Variants in MOSPD1 observed in about 807,000 individuals in gnomAD.
The protein encoded by MOSPD1 is motile sperm domain-containing protein 1.
In MOSPD1, 5 loss-of-function variants were observed where a neutral mutation model predicts 16.7. The observed-to-expected ratio is 0.30, with a 90% CI of 0.16 to 0.63. The LOEUF (loss-of-function observed/expected upper bound fraction) is 0.63. MOSPD1 is among the 30% of genes least tolerant of loss of function. The probability of loss-of-function intolerance (pLI) is 0.82; values close to 1 mark genes in which losing one functional copy is unlikely to be tolerated. For synonymous variants in MOSPD1, 67 were observed against 59.2 expected, an observed-to-expected ratio of 1.13 and a Z score of -0.61; for missense variants, 104 against 153.6, an observed-to-expected ratio of 0.68 and a Z score of 1.71.
At chrX:134,911,380 C>A (rs1209500298) in intron 1 of MOSPD1, among the ~76,000 whole-genome samples, 1 of 112,259 alleles carries the variant, frequency 8.9e-6, no homozygotes, top group South Asian at 3.7e-4. Context: ...ACATGTGACC[C>A]AATTCAACCA....
chrX:134,902,298 T>C lies in MOSPD1; in HGVS notation c.-101-2764A>G, dbSNP rs780571124. On this transcript the variant is annotated intron_variant, in intron 1 of 5. Coordinates refer to ENST00000370783, the MANE Select transcript of MOSPD1 (RefSeq NM_019556.3). ...GGTGGGCGCCTGTAGTCCCAGCTAC[T>C]CGGGAGGCTAAGGCAGGAGAATTGC... Among the ~76,000 whole-genome samples the C allele has an allele frequency of 2.1e-4, 23 of 109,554 alleles. 1 individual carries two copies. In the East Asian group the frequency reaches 6.0e-3, roughly 28 times the overall value.
Position 134,899,072 on chromosome X carries a change from G to A in MOSPD1, c.230+18C>T, listed in dbSNP as rs768238371. On this transcript the variant is annotated intron_variant, in intron 3 of 5. Coordinates refer to ENST00000370783, the MANE Select transcript of MOSPD1 (RefSeq NM_019556.3). ...TAACACACTTAAAACGTGTTACCAG[G>A]AATTGATCTTGACTTACATATCCAC... is the stretch of plus-strand genomic sequence containing the variant. 8.8e-7 allele frequency: 1 copy of A among 1,130,929 alleles called. No homozygotes were observed. The highest frequency in any genetic ancestry group is 3.0e-5 in the East Asian group (1 of 33,356). The allele number at this position is 1,130,929 out of a possible 1,213,427, so 93.2% of individuals were successfully genotyped here. A position where few individuals can be genotyped will look rare whatever the true frequency, so the allele number is the denominator to read the frequency against.
chrX:134,895,053 G>T (rs113698033), intron 4 of MOSPD1, among the ~76,000 whole-genome samples: 1 of 64,053 alleles, frequency 1.6e-5, no homozygotes, highest in African/African-American at 4.8e-5. Context: ...AGATACCAAG[G>T]TTTGTTAGAA....
intron 1 of MOSPD1, chrX:134,899,823 T>C (rs2082903630): frequency 8.7e-6 from 1 of 115,253 alleles, no homozygotes; most frequent in African/African-American, 3.3e-5. Flanking sequence ...CTGGGTGTGG[T>C]GACATGCCTG....
intron 1 of MOSPD1, among the ~76,000 whole-genome samples, chrX:134,908,064 C>T (rs1278415608): frequency 8.9e-6 from 1 of 112,891 alleles, no homozygotes; most frequent in Non-Finnish European, 1.9e-5. Context: ...TGAGCCACTG[C>T]ACCCAGCCAG....
chrX:134,898,706 C>CTG (rs958650599), intron 3 of MOSPD1, among the ~76,000 whole-genome samples: 1 of 111,832 alleles, frequency 8.9e-6, no homozygotes, highest in African/African-American at 3.2e-5. Context: ...TGTTCTTAGA[C>CTG]TGTAGTATTA....
chrX:134,908,529 A>T (rs936243409), intron 1 of MOSPD1, among the ~76,000 whole-genome samples: 2 of 111,627 alleles, frequency 1.8e-5, no homozygotes, highest in African/African-American at 3.3e-5. Flanking sequence ...AGCATTTAGA[A>T]ATCTGAGGCT....
At chrX:134,891,922 C>T (rs2082864860) in intron 4 of MOSPD1, among the ~76,000 whole-genome samples, 2 of 112,020 alleles carry the variant, frequency 1.8e-5, no homozygotes, top group African/African-American at 6.5e-5. Context: ...CCACCCTAGT[C>T]AGTAGAAAGT....
intron 4 of MOSPD1, among the ~76,000 whole-genome samples, chrX:134,891,870 T>A (rs2082864461): frequency 9.0e-6 from 1 of 111,581 alleles, no homozygotes; most frequent in African/African-American, 3.3e-5. Context: ...TGTGAGGTAG[T>A]GAGTTCTTAC....
chrX:134,895,989 G>A (rs969317702), intron 4 of MOSPD1, among the ~76,000 whole-genome samples: 2 of 111,106 alleles, frequency 1.8e-5, no homozygotes, highest in Non-Finnish European at 3.8e-5. Context: ...TGATACGACT[G>A]AATGTAACAG....
intron 4 of MOSPD1, among the ~76,000 whole-genome samples, chrX:134,896,259 CTG>C (rs1240344424): frequency 2.7e-5 from 3 of 111,383 alleles, no homozygotes; most frequent in African/African-American, 9.8e-5. Context: ...AATATCTAAG[CTG>C]GAAGGAAATG....
At chrX:134,902,540 C>T (rs1259203491) in intron 1 of MOSPD1, among the ~76,000 whole-genome samples, 1 of 110,883 alleles carries the variant, frequency 9.0e-6, no homozygotes, top group Admixed American at 9.7e-5. Flanking sequence ...TGCCTGTAAT[C>T]CAAGCACTTT....
At chrX:134,890,423 T>C (rs994210926) in intron 5 of MOSPD1, among the ~76,000 whole-genome samples, 8 of 105,944 alleles carry the variant, frequency 7.6e-5, no homozygotes, top group Non-Finnish European at 9.7e-5. Flanking sequence ...ACATGATGGA[T>C]GGTTGGGGGT....
At chrX:134,904,801 G>A (rs1344438232) in intron 1 of MOSPD1, among the ~76,000 whole-genome samples, 1 of 108,559 alleles carries the variant, frequency 9.2e-6, no homozygotes, top group African/African-American at 3.4e-5. Context: ...GGCGGAGGTT[G>A]CAGTGAGCCG....
intron 1 of MOSPD1, among the ~76,000 whole-genome samples, chrX:134,910,221 A>G (rs958773652): frequency 9.0e-6 from 1 of 111,373 alleles, no homozygotes; most frequent in Non-Finnish European, 1.9e-5. Flanking sequence ...CCTGGCCAAC[A>G]TGGCGAATCC....
intron 4 of MOSPD1, among the ~76,000 whole-genome samples, chrX:134,893,673 A>T (rs1308602842): frequency 9.0e-6 from 1 of 111,471 alleles, no homozygotes; most frequent in Non-Finnish European, 1.9e-5. Flanking sequence ...AAATAAGGCC[A>T]TATTATACAT....
chrX:134,900,248 A>T (rs2082905707), intron 1 of MOSPD1, among the ~76,000 whole-genome samples: 1 of 112,240 alleles, frequency 8.9e-6, no homozygotes, highest in African/African-American at 3.2e-5. Context: ...AGTCCAGCAG[A>T]ATTCTTAAAG....
intron 1 of MOSPD1, among the ~76,000 whole-genome samples, chrX:134,901,768 G>C (rs2082912440): frequency 8.9e-6 from 1 of 112,009 alleles, no homozygotes; most frequent in Non-Finnish European, 1.9e-5. Flanking sequence ...ACAGAAACAT[G>C]AAGGTAAAAA....
At chrX:134,896,359 T>G (rs1353815591) in intron 4 of MOSPD1, among the ~76,000 whole-genome samples, 1 of 111,237 alleles carries the variant, frequency 9.0e-6, no homozygotes, top group Non-Finnish European at 1.9e-5. Context: ...GAGATTTTTT[T>G]TTTTTTCAAA....
Sources: allele counts gnomAD v4.1 joint callset (sites outside exome capture counted in the v4.1 genomes callset), GRCh38; gene constraint gnomAD v4.1.1; transcripts MANE v1.5; gene names NCBI Gene and HGNC (gene_info 2026-07-23, HGNC 2026-07-21).